The following ADGRD1 variants were observed in gnomAD, a reference collection of about 807,000 sequenced individuals.
ADGRD1 encodes the protein G-protein coupled receptor 133.
Under a neutral mutation model 113.4 loss-of-function variants are expected in ADGRD1, and 77 were observed. That is an observed-to-expected ratio of 0.68 (90% CI 0.57 to 0.82). The LOEUF (loss-of-function observed/expected upper bound fraction) is 0.82, where lower values mean the gene tolerates loss of function less well. ADGRD1 is among the 40% of genes least tolerant of loss of function. ADGRD1 has a pLI of 0.00. For synonymous variants in ADGRD1, 474 were observed against 475.0 expected (o/e 1.00, Z 0.03); for missense variants, 1,036 against 1,139.1 (o/e 0.91, Z 1.30).
intron 20 of ADGRD1, among the ~76,000 whole-genome samples, chr12:131,122,501 C>T (rs950571559): frequency 6.6e-6 from 1 of 152,160 alleles, no homozygotes; most frequent in African/African-American, 2.4e-5. Flanking sequence ...GAGGTCCCCG[C>T]GCTCTCTGGG....
rs145796361 is a variant in ADGRD1, at chr12:130,981,945, G to C, written c.372G>C (p.Ala124=). ...AACAGTCTAGACCAATCCCTTCTGC[G>C]TATGGGGGACAGGTCATCTCCAATG... ...QGEQSRPIPS[A]YGGQVISNGF... Residue 124 remains alanine, a synonymous_variant, in exon 5 of 25, where the codon GCG becomes GCC. Transcript: ENST00000261654. The C allele has an allele frequency of 3.7e-6, 6 of 1,613,720 alleles. No individual in the cohort carries two copies. The East Asian group carries it at 8.9e-5, about 24-fold the overall frequency.
At chr12:131,099,588 G>A (rs1001684000) in intron 15 of ADGRD1, among the ~76,000 whole-genome samples, 8 of 152,054 alleles carry the variant, frequency 5.3e-5, no homozygotes, top group Non-Finnish European at 1.2e-4. Context: ...TCCTGAAGTC[G>A]GCCTCATTAT....
intron 18 of ADGRD1, among the ~76,000 whole-genome samples, chr12:131,116,095 C>T (rs901045851): frequency 3.3e-5 from 5 of 152,226 alleles, no homozygotes; most frequent in Non-Finnish European, 5.9e-5. Flanking sequence ...GCCCCACAAA[C>T]GCACTCACCC....
rs570848036 is a variant in ADGRD1, at chr12:131,114,590, G to A, written c.2042-3795G>A. Among the ~76,000 whole-genome samples, 18 of 152,246 alleles carry A rather than the reference G, an allele frequency of 1.2e-4. No homozygotes were observed. In the South Asian group the frequency reaches 3.1e-3, roughly 26 times the overall value. On this transcript the variant is annotated intron_variant, in intron 18 of 24. Coordinates refer to ENST00000261654, the MANE Select transcript of ADGRD1 (RefSeq NM_198827.5). ...GGTCTGCAGGCAGTTGGGCTCTCTC[G>A]ACCTTCAGTTTTTAATTAAGGAGCT...
At chr12:130,962,060 G>C (rs1005191486) in intron 2 of ADGRD1, 2 of 152,256 alleles carry the variant, frequency 1.3e-5, no homozygotes, top group African/African-American at 4.8e-5. Flanking sequence ...CTTCCAGCTT[G>C]TTAACTACCT....
intron 15 of ADGRD1, among the ~76,000 whole-genome samples, chr12:131,090,618 G>C (rs1043596006): frequency 1.3e-5 from 2 of 152,218 alleles, no homozygotes; most frequent in Non-Finnish European, 2.9e-5. Context: ...CAGGGCTGCT[G>C]TCCAGGGGAG....
At chr12:131,010,876 C>T (rs1247979395) in intron 12 of ADGRD1, among the ~76,000 whole-genome samples, 1 of 152,156 alleles carries the variant, frequency 6.6e-6, no homozygotes, top group African/African-American at 2.4e-5. Context: ...ATGGAGGGGC[C>T]CCCGGGGCAG....
chr12:131,087,319 GCA>G (rs1886538032), intron 15 of ADGRD1, among the ~76,000 whole-genome samples: 3 of 152,194 alleles, frequency 2.0e-5, no homozygotes, highest in Admixed American at 2.0e-4. Flanking sequence ...GGTCCCTCGT[GCA>G]CAGACACACA....
chr12:131,076,210 C>T (rs1270845258), intron 13 of ADGRD1, among the ~76,000 whole-genome samples: 3 of 152,148 alleles, frequency 2.0e-5, no homozygotes, highest in African/African-American at 7.2e-5. Context: ...CCTCTAGGTC[C>T]TGGGGATGCA....
chr12:130,982,338 T>A (rs1873107805), intron 5 of ADGRD1, among the ~76,000 whole-genome samples: 1 of 152,214 alleles, frequency 6.6e-6, no homozygotes, highest in Non-Finnish European at 1.5e-5. Context: ...CTGACCTCAG[T>A]GATCACACCT....
intron 8 of ADGRD1, 151 bp downstream of exon 8, chr12:130,992,543 G>T (rs894152003): frequency 4.6e-6 from 3 of 655,286 alleles, no homozygotes; most frequent in South Asian, 1.9e-5. Flanking sequence ...ACAACCAGCT[G>T]GTGTGGCCCT....
intron 8 of ADGRD1, chr12:130,994,336 G>A (rs572956054): frequency 2.4e-6 from 1 of 410,888 alleles, no homozygotes; most frequent in African/African-American, 2.0e-5. Flanking sequence ...ACTGTGGCAG[G>A]CGGTGCCTTC....
At chr12:131,126,217 G>A (rs759653685) in intron 20 of ADGRD1, among the ~76,000 whole-genome samples, 42 of 152,186 alleles carry the variant, frequency 2.8e-4, no homozygotes, top group Admixed American at 8.5e-4. Flanking sequence ...TAATGCTGCT[G>A]TTGTGGGAGT....
At chr12:131,067,036 C>T (rs1317371728) in intron 13 of ADGRD1, among the ~76,000 whole-genome samples, 12 of 152,038 alleles carry the variant, frequency 7.9e-5, no homozygotes, top group South Asian at 2.1e-4. Flanking sequence ...GGGCTGCCGC[C>T]AGGCTCAGGA....
At position 131,032,785 on chromosome 12, in the gene ADGRD1, C is replaced by T. The variant is rs915507676; in HGVS notation, c.1473+18445C>T. Among the ~76,000 whole-genome samples the T allele has an allele frequency of 5.1e-4, 51 of 99,928 alleles. 1 individual carries two copies. The highest frequency in any genetic ancestry group is 8.1e-4 in the Non-Finnish European group (41 of 50,702). The allele number at this position is 99,928 out of a possible 152,430, so 65.6% of individuals were successfully genotyped here. A position where few individuals can be genotyped will look rare whatever the true frequency, so the allele number is the denominator to read the frequency against. On this transcript the variant is annotated intron_variant, in intron 13 of 24. Coordinates refer to ENST00000261654, the MANE Select transcript of ADGRD1 (RefSeq NM_198827.5). ...ACGCTTATTAGAGAAATCGCCACCCCGTCACAGAGGTGACGCTTATTAGAG... is the reference window on the plus strand; with the variant it reads ...ACGCTTATTAGAGAAATCGCCACCCTGTCACAGAGGTGACGCTTATTAGAG...
chr12:131,084,929 AC>A lies in ADGRD1; in HGVS notation c.1671+268del, dbSNP rs549202190. 1.8e-4 allele frequency among the ~76,000 whole-genome samples: 27 copies of A among 152,196 alleles called. No homozygotes were observed. The highest frequency in any genetic ancestry group is 2.8e-4 in the Non-Finnish European group (19 of 68,028). ...CTTCGCACAGCAACGCCCAGACTGC[AC>A]CTGGGGGGATCCAAGGAGGGACCCC... On this transcript the variant is annotated intron_variant, in intron 15 of 24. Transcript: ENST00000261654. The surrounding 1 kb of genome is among the most constrained non-coding windows in gnomAD (Gnocchi z 4.5).
intron 8 of ADGRD1, among the ~76,000 whole-genome samples, chr12:130,997,828 G>A (rs556258899): frequency 6.6e-6 from 1 of 152,174 alleles, no homozygotes; most frequent in Admixed American, 6.5e-5. Flanking sequence ...CTGCAATCTC[G>A]GCACTTTGGG....
At chr12:130,976,209 G>A (rs963356976) in intron 4 of ADGRD1, among the ~76,000 whole-genome samples, 1 of 97,852 alleles carries the variant, frequency 1.0e-5, no homozygotes, top group African/African-American at 2.7e-5. Context: ...ACACGGGCCT[G>A]GCAGGGATCT....
intron 13 of ADGRD1, among the ~76,000 whole-genome samples, chr12:131,068,252 G>A (rs962229544): frequency 2.6e-5 from 4 of 152,216 alleles, no homozygotes; most frequent in Non-Finnish European, 4.4e-5. Flanking sequence ...CTGGAAACCC[G>A]TGTTGCTGGG....
Sources: gnomAD v4.1 joint callset for allele counts (sites outside exome capture counted in the v4.1 genomes callset) on GRCh38, gnomAD v4.1.1 for gene constraint, Gnocchi (gnomAD v3.1) non-coding constraint, MANE v1.5 for transcripts, NCBI Gene and HGNC (gene_info 2026-07-23, HGNC 2026-07-21) for gene names.